Variants in EVL observed in about 807,000 individuals in gnomAD.
EVL encodes ena/VASP-like protein.
In EVL, 21 loss-of-function variants were observed where a neutral mutation model predicts 59.6. The observed-to-expected ratio is 0.35, with a 90% CI of 0.25 to 0.51. The LOEUF (loss-of-function observed/expected upper bound fraction) is 0.51, where lower values mean the gene tolerates loss of function less well. Among genes scored for constraint, EVL ranks in the 20% least tolerant of loss-of-function variants. The pLI is 0.97. For missense variants in EVL, 462 were observed against 546.6 expected, an observed-to-expected ratio of 0.85 and a Z score of 1.54; for synonymous variants, 198 against 203.5, an observed-to-expected ratio of 0.97 and a Z score of 0.23.
chr14:100,093,297 T>C (rs1231275076), intron 2 of EVL, among the ~76,000 whole-genome samples: 1 of 152,238 alleles, frequency 6.6e-6, no homozygotes, highest in Non-Finnish European at 1.5e-5. Context: ...GAAATACATC[T>C]TCACAGGAAT....
At chr14:100,039,838 T>G (rs531830505) in intron 1 of EVL, among the ~76,000 whole-genome samples, 2 of 152,240 alleles carry the variant, frequency 1.3e-5, no homozygotes, top group Admixed American at 6.5e-5. Context: ...GAGGTTGGAA[T>G]GCAGTGACGC....
At chr14:99,971,988 C>CCCG (rs563451637) in exon 1 of EVL, 51,919 of 148,034 alleles carry the variant, frequency 0.35, 12,574 homozygotes, top group African/African-American at 0.69. Flanking sequence ...CGTCCCGCGC[C>CCCG]CCGCCGCCGC....
chr14:100,018,804 G>T (rs750332866), intron 1 of EVL, among the ~76,000 whole-genome samples: 1 of 152,188 alleles, frequency 6.6e-6, no homozygotes, highest in Admixed American at 6.5e-5. Context: ...CCTTCATGGC[G>T]AGTCTCAGAA....
chr14:100,071,107 T>C (rs538858720), intron 1 of EVL, among the ~76,000 whole-genome samples: 1 of 152,082 alleles, frequency 6.6e-6, no homozygotes, highest in South Asian at 2.1e-4. Context: ...TCTGAGAGGG[T>C]GACATCCAAG....
At chr14:100,025,774 C>G (rs1013547695) in intron 1 of EVL, among the ~76,000 whole-genome samples, 1 of 151,780 alleles carries the variant, frequency 6.6e-6, no homozygotes, top group Non-Finnish European at 1.5e-5. Flanking sequence ...ATACAAAATA[C>G]AAAAATACAA....
intron 1 of EVL, among the ~76,000 whole-genome samples, chr14:100,027,795 C>T (rs1336674606): frequency 6.6e-6 from 1 of 152,150 alleles, no homozygotes; most frequent in East Asian, 1.9e-4. Flanking sequence ...GTGCCTCAGC[C>T]TCCCAAGTAG....
In EVL at chr14:100,012,888, G is replaced by A. The variant is rs139269588; in HGVS notation, c.5+40831G>A. Among the ~76,000 whole-genome samples, 110 of 152,316 alleles carry A rather than the reference G, an allele frequency of 7.2e-4. 3 individuals are homozygous for A. The East Asian group carries it at 0.018, about 26-fold the overall frequency. On this transcript the variant is annotated intron_variant, in intron 1 of 13. Transcript: ENST00000402714. ...ATTGCTGTGCCTTGTGAAAGATTAGGACTAAAACCAAGGTCAGTGCTAGTG... is the reference window on the plus strand; with the variant it reads ...ATTGCTGTGCCTTGTGAAAGATTAGAACTAAAACCAAGGTCAGTGCTAGTG...
intron 1 of EVL, among the ~76,000 whole-genome samples, chr14:100,083,733 T>C (rs1314912721): frequency 6.6e-6 from 1 of 152,242 alleles, no homozygotes; most frequent in Non-Finnish European, 1.5e-5. Context: ...TTTTGATTTA[T>C]GTTGCATTTT....
chr14:100,028,114 A>G (rs1304678088), intron 1 of EVL, among the ~76,000 whole-genome samples: 1 of 133,634 alleles, frequency 7.5e-6, no homozygotes, highest in East Asian at 2.5e-4. Flanking sequence ...TTCTACTTTT[A>G]GTTGTTTTTT....
chr14:99,982,703 G>C (rs1290331997), intron 1 of EVL, among the ~76,000 whole-genome samples: 1 of 152,178 alleles, frequency 6.6e-6, no homozygotes, highest in African/African-American at 2.4e-5. Context: ...TTTGTCTTTA[G>C]GGCTGTGTGA....
intron 1 of EVL, among the ~76,000 whole-genome samples, chr14:99,978,677 GA>G (rs1279915716): frequency 6.6e-6 from 1 of 152,162 alleles, no homozygotes; most frequent in Non-Finnish European, 1.5e-5. Flanking sequence ...GATTTGATTT[GA>G]TTATTTATAA....
At position 100,127,440 on chromosome 14, in the gene EVL, C is replaced by T. The variant is rs571852187; in HGVS notation, c.487+669C>T. Among the ~76,000 whole-genome samples, 7 of 152,310 alleles carry T rather than the reference C, an allele frequency of 4.6e-5. No homozygotes were observed. Among genetic ancestry groups the T allele is most frequent in the African/African-American group, 1.7e-4 (7 of 41,564 alleles). ...GAGAAACCCGAGCCCCCACTGGTTACAGGAACGCTCTGCTCGTGAGATGCT... is the reference window on the plus strand; with the variant it reads ...GAGAAACCCGAGCCCCCACTGGTTATAGGAACGCTCTGCTCGTGAGATGCT... On this transcript the variant is annotated intron_variant, in intron 5 of 13. Coordinates refer to ENST00000392920, the MANE Select transcript of EVL (RefSeq NM_016337.3). The surrounding 1 kb of genome is among the most constrained non-coding windows in gnomAD (Gnocchi z 4.2).
chr14:100,138,186 CTG>C (rs1345813578), intron 11 of EVL: 1 of 301,866 alleles, frequency 3.3e-6, no homozygotes, highest in African/African-American at 2.1e-5. Context: ...GTGGGGACAG[CTG>C]TGAGCAACAG....
Position 100,141,298 on chromosome 14 carries a change from G to A in EVL, c.1161+52G>A, listed in dbSNP as rs373585245. ...AAGAGGCTGAGGGCAGCCAGCAGGC[G>A]GGGGACCGTCTCTGACCAGCATGGC... On this transcript the variant is annotated intron_variant, in intron 12 of 13. Transcript: ENST00000392920. 119 of 1,598,178 alleles carry A rather than the reference G, an allele frequency of 7.4e-5. No homozygotes were observed. The East Asian group carries it at 7.6e-4, about 10-fold the overall frequency.
intron 1 of EVL, among the ~76,000 whole-genome samples, chr14:100,037,089 A>G (rs569627793): frequency 3.9e-5 from 6 of 152,180 alleles, no homozygotes; most frequent in Non-Finnish European, 5.9e-5. Flanking sequence ...ACTGTGAGAA[A>G]ATACATTGCT....
chr14:100,066,700 C>G (rs1293834721), intron 1 of EVL, among the ~76,000 whole-genome samples: 1 of 152,204 alleles, frequency 6.6e-6, no homozygotes, highest in Non-Finnish European at 1.5e-5. Flanking sequence ...GTGAAAACTT[C>G]TAGCAGCTTA....
At chr14:100,062,198 A>G (rs2061847016), upstream of EVL, among the ~76,000 whole-genome samples, 1 of 89,736 alleles carries the variant, frequency 1.1e-5, no homozygotes, top group African/African-American at 4.7e-5. Flanking sequence ...TTCAAGAGTC[A>G]GCTGTGTGTA....
At chr14:100,003,307 T>C (rs1164616939) in intron 1 of EVL, among the ~76,000 whole-genome samples, 1 of 152,222 alleles carries the variant, frequency 6.6e-6, no homozygotes, top group East Asian at 1.9e-4. Context: ...GGACCTGGTG[T>C]CCTTTTTAGA....
chr14:100,023,586 C>G (rs1047280955), intron 1 of EVL, among the ~76,000 whole-genome samples: 3 of 151,900 alleles, frequency 2.0e-5, no homozygotes, highest in Non-Finnish European at 4.4e-5. Flanking sequence ...CTCGGCCTCC[C>G]AAAGTGCTGG....
Sources: allele counts gnomAD v4.1 joint callset (sites outside exome capture counted in the v4.1 genomes callset), GRCh38; gene constraint gnomAD v4.1.1; non-coding constraint Gnocchi (gnomAD v3.1); transcripts MANE v1.5; gene names NCBI Gene and HGNC (gene_info 2026-07-23, HGNC 2026-07-21).